YWHAE: variants seen among roughly 807,000 people sequenced by gnomAD.
YWHAE encodes the protein 14-3-3 protein epsilon.
In YWHAE, 4 loss-of-function variants were observed where a neutral mutation model predicts 30.1. That is an observed-to-expected ratio of 0.13 (90% confidence interval 0.07 to 0.30). The LOEUF (loss-of-function observed/expected upper bound fraction) is 0.30. Ranked by LOEUF, YWHAE falls within the 10% of genes least tolerant of loss-of-function variation. The probability of loss-of-function intolerance (pLI) is 1.00; values close to 1 mark genes in which losing one functional copy is unlikely to be tolerated. For synonymous variants in YWHAE, 118 were observed against 111.8 expected (o/e 1.06, Z -0.35); for missense variants, 121 against 315.9 (o/e 0.38, Z 4.68).
rs1221693425 is a variant in YWHAE, at chr17:1,361,681, AG to A, written c.371+220del. The stretch of plus-strand genomic sequence containing the variant: ...CTGTGAAATGTATGCCGTTTGGGGG[AG>A]GGGAATGGGATAGGTCTCACAAAAA... On this transcript the variant is annotated intron_variant, in intron 3 of 5. Transcript: ENST00000264335. The A allele has an allele frequency of 1.5e-5, 7 of 471,334 alleles. No homozygotes were observed. The East Asian group carries it at 2.4e-4, about 16-fold the overall frequency. 29.2% of individuals were successfully genotyped at this position (471,334 alleles called of 1,614,324 possible).
rs1384441158 is a variant in YWHAE at position 1,387,933 on chromosome 17, T to G, written c.64+12114A>C. On this transcript the variant is annotated intron_variant, in intron 1 of 5. Transcript: ENST00000264335. ...GAGCCACTGCACCTGGCTTTTTTTT[T>G]TTTTTTTTTTTTGACGGAGTCTCAC... Among the ~76,000 whole-genome samples, 11 of 136,796 alleles carry G rather than the reference T, an allele frequency of 8.0e-5. No individual in the cohort carries two copies. In the East Asian group the frequency reaches 1.7e-3, roughly 21 times the overall value. The allele number at this position is 136,796 out of a possible 152,430, so 89.7% of individuals were successfully genotyped here. A position where few individuals can be genotyped will look rare whatever the true frequency, so the allele number is the denominator to read the frequency against.
intron 1 of YWHAE, among the ~76,000 whole-genome samples, chr17:1,398,341 C>CACT (rs75078124): frequency 4.0e-5 from 6 of 148,614 alleles, no homozygotes; most frequent in East Asian, 2.0e-4. Context: ...TTATCCCCCC[C>CACT]CCCAACAGGA....
At chr17:1,349,054 A>C (rs766724190) in intron 5 of YWHAE, among the ~76,000 whole-genome samples, 72 of 149,034 alleles carry the variant, frequency 4.8e-4, no homozygotes, top group Non-Finnish European at 8.0e-4. Context: ...AAAAAGATGT[A>C]ATACTAGGCC....
intron 1 of YWHAE, among the ~76,000 whole-genome samples, chr17:1,388,101 GTT>G (rs1291752445): frequency 6.4e-5 from 4 of 62,390 alleles, no homozygotes; most frequent in East Asian, 4.7e-4. Context: ...GGTAATTTTT[GTT>G]TTTTTTTTTG....
chr17:1,367,597 T>C (rs1691623783), intron 1 of YWHAE, among the ~76,000 whole-genome samples: 1 of 152,150 alleles, frequency 6.6e-6, no homozygotes, highest in South Asian at 2.1e-4. Flanking sequence ...CACAATTACT[T>C]TGTATAATCC....
At chr17:1,372,875 C>T (rs72818260) in intron 1 of YWHAE, among the ~76,000 whole-genome samples, 1,768 of 152,064 alleles carry the variant, frequency 0.012, 22 homozygotes, top group Middle Eastern at 0.027. Context: ...ATTGCTGGAG[C>T]CTGGGAGGTC....
At chr17:1,391,542 A>T (rs557607295) in intron 1 of YWHAE, among the ~76,000 whole-genome samples, 2 of 152,306 alleles carry the variant, frequency 1.3e-5, no homozygotes, top group South Asian at 4.1e-4. Flanking sequence ...GGTGACTTTC[A>T]TTATTATTTG....
At chr17:1,389,260 C>A (rs190492908) in intron 1 of YWHAE, among the ~76,000 whole-genome samples, 142 of 152,296 alleles carry the variant, frequency 9.3e-4, no homozygotes, top group African/African-American at 3.1e-3. Context: ...TTAGCCACTG[C>A]ACGTGGCCCC....
At chr17:1,349,698 C>G (rs1383821553) in intron 5 of YWHAE, among the ~76,000 whole-genome samples, 1 of 151,700 alleles carries the variant, frequency 6.6e-6, no homozygotes, top group Non-Finnish European at 1.5e-5. Flanking sequence ...ACTGCAAGCT[C>G]CGCCTCTGGG....
chr17:1,389,074 T>C (rs1449047219), intron 1 of YWHAE, among the ~76,000 whole-genome samples: 2 of 152,156 alleles, frequency 1.3e-5, no homozygotes, highest in Admixed American at 6.6e-5. Flanking sequence ...CAAGAAATCT[T>C]ACCACCTTGG....
intron 1 of YWHAE, among the ~76,000 whole-genome samples, chr17:1,374,536 G>A (rs184356136): frequency 4.6e-5 from 7 of 152,142 alleles, no homozygotes; most frequent in South Asian, 2.1e-4. Flanking sequence ...GAGCGGCACC[G>A]TTTTTACACT....
chr17:1,356,958 CAA>C (rs34819954), intron 4 of YWHAE, among the ~76,000 whole-genome samples: 1 of 146,234 alleles, frequency 6.8e-6, no homozygotes, highest in Non-Finnish European at 1.5e-5. Flanking sequence ...TCAAACAAAC[CAA>C]AAAAAAACAC....
chr17:1,376,788 A>G (rs1302440383), intron 1 of YWHAE, among the ~76,000 whole-genome samples: 1 of 152,178 alleles, frequency 6.6e-6, no homozygotes, highest in Non-Finnish European at 1.5e-5. Flanking sequence ...CACAAGGCAC[A>G]ATTTACAGCT....
intron 5 of YWHAE, among the ~76,000 whole-genome samples, chr17:1,346,966 G>C: frequency 6.7e-6 from 1 of 149,592 alleles, no homozygotes; most frequent in South Asian, 2.1e-4. Flanking sequence ...ACTCCAGCCT[G>C]GGTAACAGAG....
chr17:1,385,014 T>C (rs1312783921), intron 1 of YWHAE, among the ~76,000 whole-genome samples: 2 of 151,810 alleles, frequency 1.3e-5, no homozygotes, highest in Admixed American at 6.6e-5. Context: ...GTTTTTTCTT[T>C]TTAGAGGAGT....
chr17:1,362,241 C>A (rs902836159), intron 2 of YWHAE, among the ~76,000 whole-genome samples: 2 of 152,060 alleles, frequency 1.3e-5, no homozygotes, highest in Non-Finnish European at 2.9e-5. Flanking sequence ...CACATGCAGG[C>A]ACGCACACAC....
intron 1 of YWHAE, among the ~76,000 whole-genome samples, chr17:1,390,738 G>A (rs2073377025): frequency 6.6e-6 from 1 of 152,142 alleles, no homozygotes; most frequent in African/African-American, 2.4e-5. Context: ...TATGAATGAA[G>A]AGTTAAACAC....
chr17:1,372,362 C>T (rs1003989031), intron 1 of YWHAE, among the ~76,000 whole-genome samples: 1 of 152,214 alleles, frequency 6.6e-6, no homozygotes, highest in African/African-American at 2.4e-5. Context: ...AGCAAGAAGG[C>T]TGTTTTGCTT....
intron 5 of YWHAE, 41 bp downstream of exon 5, chr17:1,354,170 G>A (rs199860044): frequency 1.9e-6 from 3 of 1,599,840 alleles, no homozygotes; most frequent in Non-Finnish European, 2.6e-6. Context: ...AACAAATCCT[G>A]CAACTGAAAG....
Sources: gnomAD v4.1 joint callset for allele counts (sites outside exome capture counted in the v4.1 genomes callset) on GRCh38, gnomAD v4.1.1 for gene constraint, MANE v1.5 for transcripts, NCBI Gene and HGNC (gene_info 2026-07-23, HGNC 2026-07-21) for gene names.